Variants in FRAS1 observed in about 807,000 individuals in gnomAD.
FRAS1 encodes extracellular matrix organizing protein FRAS1.
A neutral mutation model predicts 435.2 loss-of-function variants in FRAS1; 290 were observed. That is an observed-to-expected ratio of 0.67 (90% CI 0.61 to 0.73). The LOEUF (loss-of-function observed/expected upper bound fraction) is 0.73, where lower values mean the gene tolerates loss of function less well. Among genes scored for constraint, FRAS1 ranks in the 30% least tolerant of loss-of-function variants. The pLI, the probability that FRAS1 is intolerant of heterozygous loss-of-function variation, is 0.00. For synonymous variants in FRAS1, 1,800 were observed against 1,851.0 expected (o/e 0.97, Z 0.71); for missense variants, 4,860 against 5,001.5 (o/e 0.97, Z 0.85).
intron 22 of FRAS1, among the ~76,000 whole-genome samples, 178 bp from the exon 23 acceptor site, chr4:78,369,660 T>C (rs1040376504): frequency 6.6e-6 from 1 of 152,228 alleles, no homozygotes; most frequent in African/African-American, 2.4e-5. Flanking sequence ...CCCTTTTCTA[T>C]TTCGGAAACT....
intron 13 of FRAS1, chr4:78,286,168 A>G: frequency 4.7e-6 from 3 of 636,098 alleles, no homozygotes; most frequent in South Asian, 4.5e-5. Context: ...GATTAATAAT[A>G]TCTACCTCCT....
intron 49 of FRAS1, among the ~76,000 whole-genome samples, chr4:78,465,494 G>C (rs1036314772): frequency 6.6e-6 from 1 of 152,232 alleles, no homozygotes; most frequent in African/African-American, 2.4e-5. Flanking sequence ...TTAAGCAAAA[G>C]GGCAAGCTAT....
rs1321935638 is a variant in FRAS1 at position 78,178,788 on chromosome 4, G to T, written c.109-58722G>T. On this transcript the variant is annotated intron_variant, in intron 2 of 73. Transcript: ENST00000512123. ...ATTTCCAAATGAGGGCACATTTTGA[G>T]GTTCCAGGTGCACATAAAATTTGGG... 3.3e-5 allele frequency among the ~76,000 whole-genome samples: 5 copies of T among 152,272 alleles called. No individual in the cohort carries two copies. In the East Asian group the frequency reaches 9.7e-4, roughly 29 times the overall value.
intron 2 of FRAS1, among the ~76,000 whole-genome samples, chr4:78,145,333 C>T (rs1018083837): frequency 6.6e-6 from 1 of 152,158 alleles, no homozygotes; most frequent in South Asian, 2.1e-4. Context: ...CAGTTAATTT[C>T]TAAGATGTTT....
chr4:78,512,703 A>C (rs909302171), intron 64 of FRAS1, among the ~76,000 whole-genome samples: 1 of 152,258 alleles, frequency 6.6e-6, no homozygotes, highest in African/African-American at 2.4e-5. Flanking sequence ...ATAGCAGCCA[A>C]TATAAATAAG....
intron 1 of FRAS1, among the ~76,000 whole-genome samples, chr4:78,065,577 T>C (rs1240975733): frequency 6.6e-6 from 1 of 152,102 alleles, no homozygotes; most frequent in African/African-American, 2.4e-5. Context: ...GTAAATATAT[T>C]ACAGGATTCT....
chr4:78,237,954 A>T (rs1320156964), intron 3 of FRAS1, among the ~76,000 whole-genome samples: 3 of 152,124 alleles, frequency 2.0e-5, no homozygotes, highest in Admixed American at 6.5e-5. Context: ...AAGCCTGGAG[A>T]TTTTAAGCAA....
At chr4:78,298,071 T>A (rs1162734505) in intron 14 of FRAS1, among the ~76,000 whole-genome samples, 1 of 147,548 alleles carries the variant, frequency 6.8e-6, no homozygotes, top group Non-Finnish European at 1.5e-5. Context: ...CCTCTTTATA[T>A]ATATATATTT....
chr4:78,181,574 A>G, intron 2 of FRAS1: 1 of 1,611,592 alleles, frequency 6.2e-7, no homozygotes, highest in Non-Finnish European at 8.5e-7. Flanking sequence ...AGGTCGGTCA[A>G]TAATCGGTCT....
chr4:78,337,708 G>T lies in FRAS1; in HGVS notation c.2313G>T (p.Pro771=), dbSNP rs396790. The part of the protein sequence containing the change: ...CHPTCRQCHG[P]LESDCISCYP... The stretch of plus-strand genomic sequence containing the variant: ...CAACCTGCAGGCAGTGTCATGGGCC[G>T]TTGGAGTCTGACTGCATCTCCTGTT... The change falls in exon 20 of 74, where the codon CCG becomes CCT. Residue 771 remains proline, a synonymous_variant. Coordinates refer to ENST00000512123, the MANE Select transcript of FRAS1 (RefSeq NM_025074.7). 0.03 allele frequency: 47,749 copies of T among 1,613,774 alleles called. 1,715 individuals carry two copies. Among genetic ancestry groups the T allele is most frequent in the African/African-American group, 0.18 (13,824 of 74,950 alleles).
intron 2 of FRAS1, among the ~76,000 whole-genome samples, chr4:78,226,806 CA>C (rs1418324630): frequency 6.6e-6 from 1 of 152,108 alleles, no homozygotes; most frequent in Non-Finnish European, 1.5e-5. Flanking sequence ...CTTTAGAACT[CA>C]ATCACCCATT....
At position 78,058,174 on chromosome 4, in the gene FRAS1, C is replaced by A. The variant is rs544828510; in HGVS notation, c.76+89C>A. 6.0e-5 allele frequency: 74 copies of A among 1,238,040 alleles called. 1 individual carries two copies. In the South Asian group the frequency reaches 1.0e-3, roughly 17 times the overall value. 76.7% of individuals were successfully genotyped at this position (1,238,040 alleles called of 1,614,324 possible). A position where few individuals can be genotyped will look rare whatever the true frequency, so the allele number is the denominator to read the frequency against. ...TGATCGTGCAGTTTAAAAATCTCAG[C>A]AGGTTTTATGGTATTTCGGTGAGGT... On this transcript the variant is annotated intron_variant, in intron 1 of 73. Transcript: ENST00000512123.
At chr4:78,231,484 A>G (rs535078690) in intron 2 of FRAS1, among the ~76,000 whole-genome samples, 2 of 152,030 alleles carry the variant, frequency 1.3e-5, no homozygotes, top group Non-Finnish European at 2.9e-5. Flanking sequence ...TTATATCTAC[A>G]TACTGTTTTG....
chr4:78,193,982 C>G (rs1257220856), intron 2 of FRAS1, among the ~76,000 whole-genome samples: 3 of 152,198 alleles, frequency 2.0e-5, no homozygotes, highest in Non-Finnish European at 2.9e-5. Flanking sequence ...GACAAAATCT[C>G]TCAGCATTTG....
chr4:78,413,056 G>T lies in FRAS1; in HGVS notation c.4396G>T (p.Val1466Leu). 6.2e-7 allele frequency: 1 copy of T among 1,610,652 alleles called. No homozygotes were observed. The highest frequency in any genetic ancestry group is 8.5e-7 in the Non-Finnish European group (1 of 1,178,464). Residue 1466 changes from valine (V) to leucine (L), a missense_variant, in exon 32 of 74, where the codon GTG becomes TTG. Val to Leu is a conservative substitution (Grantham distance 32, BLOSUM62 1). Transcript: ENST00000512123. The part of the protein sequence containing the change: ...ILPQTPEAPK[V>L]SLEASLHMTA... Reference sequence around the variant, plus strand: ...ACCACAGACACCTGAAGCACCTAAAGTGTCTCTGGAAGCATCTCTCCATAT... The same window carrying T: ...ACCACAGACACCTGAAGCACCTAAATTGTCTCTGGAAGCATCTCTCCATAT...
At position 78,252,502 on chromosome 4, in the gene FRAS1, G is replaced by C. The variant is rs1725588441; in HGVS notation, c.420G>C (p.Leu140=). 1 of 1,613,678 alleles carries C rather than the reference G, an allele frequency of 6.2e-7. No homozygotes were observed. Among genetic ancestry groups the C allele is most frequent in the African/African-American group, 1.3e-5 (1 of 74,894 alleles). ...CPPLSCGHQE[L]AFIPEGSCCP... is the part of the protein sequence containing the mutation. Reference sequence around the variant, plus strand: ...CGCTGTCATGTGGACACCAGGAGCTGGCATTCATCCCTGAAGGAAGCTGCT... The same window carrying C: ...CGCTGTCATGTGGACACCAGGAGCTCGCATTCATCCCTGAAGGAAGCTGCT... Residue 140 remains leucine, a synonymous_variant, in exon 5 of 74, where the codon CTG becomes CTC. Coordinates refer to ENST00000512123, the MANE Select transcript of FRAS1 (RefSeq NM_025074.7).
intron 64 of FRAS1, 49 bp downstream of exon 64, chr4:78,511,555 G>C (rs780875119): frequency 2.2e-6 from 3 of 1,346,028 alleles, no homozygotes; most frequent in Non-Finnish European, 3.2e-6. Context: ...GTGAATCTCA[G>C]GTCTCCTTTG....
chr4:78,456,142 T>TTTTTC (rs1553962171), intron 47 of FRAS1, among the ~76,000 whole-genome samples: 1 of 42,434 alleles, frequency 2.4e-5, no homozygotes, highest in African/African-American at 4.3e-5. Flanking sequence ...ATGTCACTTT[T>TTTTTC]TTTTTTTTTT....
intron 2 of FRAS1, among the ~76,000 whole-genome samples, chr4:78,151,276 TG>T (rs1253999960): frequency 6.6e-6 from 1 of 152,176 alleles, no homozygotes; most frequent in East Asian, 1.9e-4. Flanking sequence ...AAAGTTTTAT[TG>T]TGGATGAAAA....
Sources: allele counts gnomAD v4.1 joint callset (sites outside exome capture counted in the v4.1 genomes callset), GRCh38; gene constraint gnomAD v4.1.1; transcripts MANE v1.5; gene names NCBI Gene and HGNC (gene_info 2026-07-23, HGNC 2026-07-21).